SNTG1: variants seen among roughly 807,000 people sequenced by gnomAD.
SNTG1 encodes the protein gamma-1-syntrophin.
In SNTG1, 39 loss-of-function variants were observed where a neutral mutation model predicts 74.7. The ratio of observed to expected loss-of-function variants is 0.52; its 90% CI spans 0.40 to 0.68. The LOEUF (loss-of-function observed/expected upper bound fraction) is 0.68. Ranked by LOEUF, SNTG1 falls within the 30% of genes least tolerant of loss-of-function variation. SNTG1 has a pLI of 0.00. For missense variants in SNTG1, 685 were observed against 609.5 expected (o/e 1.12, Z -1.30); for synonymous variants, 254 against 217.1 (o/e 1.17, Z -1.49).
chr8:50,001,111 CTG>C (rs1814699754), intron 1 of SNTG1, among the ~76,000 whole-genome samples: 1 of 152,190 alleles, frequency 6.6e-6, no homozygotes, highest in African/African-American at 2.4e-5. Context: ...GCAGAAATGA[CTG>C]TGTGTTACAC....
chr8:50,371,672 CATA>C (rs1410193892), intron 2 of SNTG1, among the ~76,000 whole-genome samples: 3 of 152,144 alleles, frequency 2.0e-5, no homozygotes, highest in Non-Finnish European at 4.4e-5. Context: ...CTATTTCTAA[CATA>C]AATTCTGTCA....
chr8:50,032,038 A>G (rs1290940164), intron 1 of SNTG1, among the ~76,000 whole-genome samples: 4 of 152,100 alleles, frequency 2.6e-5, no homozygotes, highest in African/African-American at 9.7e-5. Context: ...TTTTCCAAGA[A>G]TGTATCCATT....
At position 50,709,099 on chromosome 8, in the gene SNTG1, G is replaced by A. The variant is rs191836419; in HGVS notation, c.1284+121G>A. The A allele has an allele frequency of 2.8e-4, 212 of 761,876 alleles. No individual in the cohort carries two copies. In the African/African-American group the frequency reaches 3.0e-3, roughly 11 times the overall value. The allele number at this position is 761,876 out of a possible 1,614,324, so 47.2% of individuals were successfully genotyped here. ...TAATCGTGTCAAATTTAAGATCTTC[G>A]TTTTTGTTAATGGAAGATAAATTAT... On this transcript the variant is annotated intron_variant, in intron 17 of 18. Transcript: ENST00000642720.
chr8:50,699,443 G>T (rs1296902848), intron 15 of SNTG1, among the ~76,000 whole-genome samples: 1 of 151,860 alleles, frequency 6.6e-6, no homozygotes, highest in East Asian at 1.9e-4. Context: ...AAGTGTGATT[G>T]TCTACACACC....
At chr8:49,958,652 C>T (rs1810404086) in intron 1 of SNTG1, among the ~76,000 whole-genome samples, 1 of 152,166 alleles carries the variant, frequency 6.6e-6, no homozygotes, top group African/African-American at 2.4e-5. Flanking sequence ...AACTGCTGAC[C>T]TCGTGATCCA....
At chr8:50,471,195 TGTCAGCCGTG>T (rs2093651165) in intron 8 of SNTG1, among the ~76,000 whole-genome samples, 2 of 151,772 alleles carry the variant, frequency 1.3e-5, no homozygotes, top group South Asian at 4.2e-4. Flanking sequence ...AATGTCCAGG[TGTCAGCCGTG>T]GTAGAAACAT....
chr8:50,295,188 A>T (rs1035178376), intron 2 of SNTG1, among the ~76,000 whole-genome samples: 1 of 152,200 alleles, frequency 6.6e-6, no homozygotes, highest in East Asian at 1.9e-4. Context: ...ATTCTTAAGG[A>T]TACGTTTTAA....
At chr8:49,994,708 T>C (rs978003793) in intron 1 of SNTG1, among the ~76,000 whole-genome samples, 12 of 152,136 alleles carry the variant, frequency 7.9e-5, no homozygotes, top group African/African-American at 2.9e-4. Flanking sequence ...TACTCATTTT[T>C]TTTTTCTCTG....
At chr8:50,264,734 C>A (rs868339225) in intron 2 of SNTG1, among the ~76,000 whole-genome samples, 1 of 151,156 alleles carries the variant, frequency 6.6e-6, no homozygotes, top group Non-Finnish European at 1.5e-5. Context: ...AAAACACCTG[C>A]GAAATTATAA....
At chr8:50,363,229 C>A (rs528171511) in intron 2 of SNTG1, among the ~76,000 whole-genome samples, 47 of 152,216 alleles carry the variant, frequency 3.1e-4, no homozygotes, top group Non-Finnish European at 5.7e-4. Flanking sequence ...CTATCAAGTG[C>A]CAAGCATTTT....
intron 4 of SNTG1, among the ~76,000 whole-genome samples, chr8:50,416,812 G>A (rs541141715): frequency 1.1e-4 from 17 of 152,122 alleles, no homozygotes; most frequent in East Asian, 3.9e-4. Flanking sequence ...AGTGATAGCC[G>A]TGCTGAACTC....
At chr8:50,033,674 C>G (rs1817923237) in intron 1 of SNTG1, among the ~76,000 whole-genome samples, 1 of 152,046 alleles carries the variant, frequency 6.6e-6, no homozygotes, top group South Asian at 2.1e-4. Flanking sequence ...GTGAATGTAG[C>G]TCCCTGGTAT....
intron 4 of SNTG1, among the ~76,000 whole-genome samples, chr8:50,421,786 GACTT>G (rs749206474): frequency 5.3e-5 from 8 of 152,132 alleles, no homozygotes; most frequent in Non-Finnish European, 8.8e-5. Context: ...AAGGCATACA[GACTT>G]ACTTAATTAA....
chr8:50,129,708 C>T (rs1177595688), intron 1 of SNTG1, among the ~76,000 whole-genome samples: 1 of 152,126 alleles, frequency 6.6e-6, no homozygotes, highest in Non-Finnish European at 1.5e-5. Context: ...CCAAACATGA[C>T]TTCAATCTCA....
chr8:50,551,656 T>G (rs974905064), intron 11 of SNTG1, among the ~76,000 whole-genome samples: 1 of 152,214 alleles, frequency 6.6e-6, no homozygotes, highest in African/African-American at 2.4e-5. Context: ...CATGTGAAAT[T>G]ATAACATTCT....
intron 2 of SNTG1, among the ~76,000 whole-genome samples, chr8:50,336,536 A>G (rs979135861): frequency 6.6e-6 from 1 of 152,136 alleles, no homozygotes; most frequent in African/African-American, 2.4e-5. Flanking sequence ...AAACCTATTT[A>G]TTTACATGCT....
chr8:50,517,925 G>A (rs1402286551), intron 9 of SNTG1, among the ~76,000 whole-genome samples: 2 of 152,114 alleles, frequency 1.3e-5, no homozygotes, highest in Non-Finnish European at 2.9e-5. Flanking sequence ...AGGATATTCA[G>A]GACTTGAACT....
intron 4 of SNTG1, among the ~76,000 whole-genome samples, chr8:50,413,693 A>G (rs924054911): frequency 6.6e-6 from 1 of 152,138 alleles, no homozygotes; most frequent in African/African-American, 2.4e-5. Flanking sequence ...TCCTTCAGTA[A>G]CATTTGGATG....
chr8:50,144,057 ACACACAGATGCAGT>A (rs2081769563), intron 1 of SNTG1, among the ~76,000 whole-genome samples: 1 of 152,206 alleles, frequency 6.6e-6, no homozygotes, highest in African/African-American at 2.4e-5. Flanking sequence ...AGAAGCACTG[ACACACAGATGCAGT>A]CACACACATT....
Sources: gnomAD v4.1 joint callset for allele counts (sites outside exome capture counted in the v4.1 genomes callset) on GRCh38, gnomAD v4.1.1 for gene constraint, MANE v1.5 for transcripts, NCBI Gene and HGNC (gene_info 2026-07-23, HGNC 2026-07-21) for gene names.